KMT2C: variants seen among roughly 807,000 people sequenced by gnomAD.
KMT2C encodes lysine methyltransferase 2C.
In KMT2C, 88 loss-of-function variants were observed where a neutral mutation model predicts 507.9. The ratio of observed to expected loss-of-function variants is 0.17; its 90% CI spans 0.15 to 0.21. The LOEUF is 0.21. Among genes scored for constraint, KMT2C ranks in the 10% least tolerant of loss-of-function variants. The probability of loss-of-function intolerance (pLI) is 1.00; values close to 1 mark genes in which losing one functional copy is unlikely to be tolerated. For missense variants in KMT2C, 4,954 were observed against 5,957.8 expected (o/e 0.83, Z 5.55); for synonymous variants, 2,049 against 2,080.8 (o/e 0.98, Z 0.42).
chr7:152,151,067 A>T, intron 50 of KMT2C, 60 bp from the exon 51 acceptor site: 1 of 990,650 alleles, frequency 1.0e-6, no homozygotes, highest in Non-Finnish European at 1.6e-6. Flanking sequence ...TAAAAACAGG[A>T]TCTATACATT....
At chr7:152,430,367 G>GA (rs1315380711) in intron 1 of KMT2C, among the ~76,000 whole-genome samples, 11 of 146,272 alleles carry the variant, frequency 7.5e-5, no homozygotes, top group South Asian at 4.3e-4. Flanking sequence ...AAACAATATA[G>GA]AAAAAAAAAA....
chr7:152,330,520 A>AGTTTAGGAGAGAAAAT, intron 3 of KMT2C, 81 bp downstream of exon 3: 8 of 1,362,490 alleles, frequency 5.9e-6, no homozygotes, highest in Non-Finnish European at 8.3e-6. Context: ...CTAAACTCAT[A>AGTTTAGGAGAGAAAAT]CTCCTTGAAT....
chr7:152,418,907 G>C (rs959171486), intron 1 of KMT2C, among the ~76,000 whole-genome samples: 1 of 151,894 alleles, frequency 6.6e-6, no homozygotes, highest in Non-Finnish European at 1.5e-5. Context: ...AAAGAGAATA[G>C]GTCAGGCTGG....
intron 6 of KMT2C, among the ~76,000 whole-genome samples, chr7:152,301,539 T>C (rs1013004002): frequency 4.0e-5 from 6 of 151,788 alleles, no homozygotes; most frequent in African/African-American, 9.7e-5. Context: ...AAAGAAAAGT[T>C]AGCCAGGTGT....
chr7:152,357,176 G>A (rs958583903), intron 2 of KMT2C, among the ~76,000 whole-genome samples: 6 of 150,694 alleles, frequency 4.0e-5, no homozygotes, highest in African/African-American at 1.2e-4. Context: ...GCAGTGAGCC[G>A]AGATCACACC....
rs2093896535 is a variant in KMT2C at position 152,194,215 on chromosome 7, C to G, written c.4540+14G>C. 1.3e-6 allele frequency: 2 copies of G among 1,536,440 alleles called. No homozygotes were observed. Among genetic ancestry groups the G allele is most frequent in the Admixed American group, 2.1e-5 (1 of 48,062 alleles). On this transcript the variant is annotated intron_variant, in intron 30 of 58. Transcript: ENST00000262189. ...ACGCCATTTTCATTAACTAGAAAAT[C>G]AAAACACATTTACCTGGAATTTTAT... is the stretch of plus-strand genomic sequence containing the variant.
At chr7:152,354,862 T>C (rs899931474) in intron 2 of KMT2C, among the ~76,000 whole-genome samples, 8 of 152,324 alleles carry the variant, frequency 5.3e-5, no homozygotes, top group South Asian at 4.1e-4. Context: ...CTTTGAATTT[T>C]ATTCTAAATA....
intron 18 of KMT2C, among the ~76,000 whole-genome samples, chr7:152,225,987 T>C (rs1362736879): frequency 6.6e-6 from 1 of 152,104 alleles, no homozygotes; most frequent in Admixed American, 6.6e-5. Flanking sequence ...GAACTAAACA[T>C]AGTAATACAA....
At chr7:152,256,937 G>A (rs2095670727) in intron 9 of KMT2C, among the ~76,000 whole-genome samples, 2 of 152,044 alleles carry the variant, frequency 1.3e-5, no homozygotes, top group Admixed American at 1.3e-4. Flanking sequence ...CCCAAGAAAG[G>A]GAATCTGACA....
intron 9 of KMT2C, among the ~76,000 whole-genome samples, chr7:152,254,818 T>C (rs994545451): frequency 1.3e-5 from 2 of 151,746 alleles, no homozygotes; most frequent in African/African-American, 4.8e-5. Flanking sequence ...TCCTAGAAAA[T>C]TGTTCAAAAA....
Position 152,162,230 on chromosome 7 carries a change from T to C in KMT2C, c.11347A>G (p.Asn3783Asp). 1 of 1,614,160 alleles carries C rather than the reference T, an allele frequency of 6.2e-7. No individual in the cohort carries two copies. The highest frequency in any genetic ancestry group is 8.5e-7 in the Non-Finnish European group (1 of 1,180,014). ...GNELLKHLLK[N>D]KKSSSLLNQK... is the part of the protein sequence containing the mutation. ...TTCAAAAGAGAAGATGACTTTTTAT[T>C]TTTCAACAAGTGTTTCAGAAGTTCA... Residue 3783 changes from asparagine to aspartate, a missense_variant, in exon 43 of 59, where the codon AAT (asparagine) becomes GAT (aspartate). This residue lies in a region of KMT2C where 801 missense variants were observed against 751.2 expected (regional missense o/e 1.07). Coordinates refer to ENST00000262189, the MANE Select transcript of KMT2C (RefSeq NM_170606.3).
At chr7:152,175,338 T>C (rs1357811948) in intron 38 of KMT2C, among the ~76,000 whole-genome samples, 3 of 151,898 alleles carry the variant, frequency 2.0e-5, no homozygotes, top group Non-Finnish European at 4.4e-5. Context: ...TTTTAATTAT[T>C]ATACTTTAAA....
intron 49 of KMT2C, among the ~76,000 whole-genome samples, 199 bp from the exon 50 acceptor site, chr7:152,151,780 T>C (rs2091644927): frequency 1.3e-5 from 2 of 150,932 alleles, no homozygotes; most frequent in Non-Finnish European, 3.0e-5. Context: ...GAAACATGCC[T>C]ATTCTCAAAT....
chr7:152,377,999 T>C (rs1387682241), intron 1 of KMT2C, among the ~76,000 whole-genome samples: 2 of 152,210 alleles, frequency 1.3e-5, no homozygotes, highest in African/African-American at 4.8e-5. Flanking sequence ...AGCCTGAAGA[T>C]GTGACTGGAT....
Position 152,162,536 on chromosome 7 carries a change from C to G in KMT2C, c.11041G>C (p.Glu3681Gln), listed in dbSNP as rs1401814561. Residue 3681 changes from glutamate (E) to glutamine (Q), a missense_variant, in exon 43 of 59, where the codon GAG becomes CAG. Physicochemically the swap from Glu to Gln is conservative, Grantham distance 29. Transcript: ENST00000262189. ...MAAGQLCTEL[E>Q]NKLPNSDFSQ... The stretch of plus-strand genomic sequence containing the variant: ...AAATCACTATTGGGCAGTTTGTTCT[C>G]TAATTCTGTACATAGCTGGCCTGCT... The G allele has an allele frequency of 7.4e-6, 12 of 1,614,104 alleles. No homozygotes were observed. The highest frequency in any genetic ancestry group is 1.3e-5 in the African/African-American group (1 of 74,934).
chr7:152,430,521 CAG>C (rs772778476), intron 1 of KMT2C, among the ~76,000 whole-genome samples: 1 of 152,182 alleles, frequency 6.6e-6, no homozygotes, highest in Non-Finnish European at 1.5e-5. Flanking sequence ...GGCAAGAGTG[CAG>C]AGAGACCATC....
intron 1 of KMT2C, among the ~76,000 whole-genome samples, chr7:152,422,138 T>C (rs1054690274): frequency 6.6e-6 from 1 of 152,040 alleles, no homozygotes; most frequent in Non-Finnish European, 1.5e-5. Context: ...TTCCTCACCA[T>C]GCTGAGGTCA....
intron 11 of KMT2C, among the ~76,000 whole-genome samples, 173 bp downstream of exon 11, chr7:152,251,766 T>A (rs954913398): frequency 5.3e-5 from 8 of 152,106 alleles, no homozygotes; most frequent in African/African-American, 1.2e-4. Context: ...ATTTTAGCCA[T>A]CAGATTCAGA....
intron 23 of KMT2C, among the ~76,000 whole-genome samples, chr7:152,216,418 A>T (rs912116544): frequency 1.3e-5 from 2 of 152,246 alleles, no homozygotes; most frequent in African/African-American, 2.4e-5. Context: ...TACTCCAGGA[A>T]CATCACAGTT....
Sources: gnomAD v4.1 joint callset for allele counts (sites outside exome capture counted in the v4.1 genomes callset) on GRCh38, gnomAD v4.1.1 for gene constraint, gnomAD v4.1.1 regional missense constraint, MANE v1.5 for transcripts, NCBI Gene and HGNC (gene_info 2026-07-23, HGNC 2026-07-21) for gene names.